The following FAF2 variants were observed in gnomAD, a reference collection of about 807,000 sequenced individuals.
FAF2 encodes Fas associated factor family member 2.
FAF2 carries 9 observed loss-of-function variants against 62.3 expected under a neutral mutation model. The observed-to-expected ratio is 0.14, with a 90% CI of 0.09 to 0.25. The LOEUF (loss-of-function observed/expected upper bound fraction) is 0.25, where lower values mean the gene tolerates loss of function less well. Among genes scored for constraint, FAF2 ranks in the 10% least tolerant of loss-of-function variants. FAF2 has a pLI of 1.00. For synonymous variants in FAF2, 202 were observed against 198.0 expected (o/e 1.02, Z -0.17); for missense variants, 368 against 556.2 (o/e 0.66, Z 3.40).
intron 1 of FAF2, among the ~76,000 whole-genome samples, chr5:176,468,288 A>G (rs1175081892): frequency 6.6e-6 from 1 of 152,112 alleles, no homozygotes; most frequent in Non-Finnish European, 1.5e-5. Context: ...TCTTGGGAGT[A>G]TAGAAGTAAA....
At chr5:176,479,144 T>C (rs768509459) in intron 1 of FAF2, 44 bp from the exon 2 acceptor site, 1 of 1,491,512 alleles carries the variant, frequency 6.7e-7, no homozygotes, top group Non-Finnish European at 9.4e-7. Context: ...ACACGTATAC[T>C]GTTGGTTTTT....
intron 10 of FAF2, among the ~76,000 whole-genome samples, chr5:176,504,086 G>A (rs192850222): frequency 1.1e-4 from 17 of 151,126 alleles, no homozygotes; most frequent in Middle Eastern, 3.5e-3. Context: ...CAGCCTGGGC[G>A]ACAGAGTGAG....
intron 4 of FAF2, among the ~76,000 whole-genome samples, chr5:176,489,475 T>C (rs1758934005): frequency 6.6e-6 from 1 of 152,184 alleles, no homozygotes. Flanking sequence ...CAGTTTGCCC[T>C]TGATTCCTCC....
intron 8 of FAF2, 55 bp downstream of exon 8, chr5:176,496,718 C>T: frequency 7.2e-7 from 1 of 1,386,556 alleles, no homozygotes; most frequent in African/African-American, 1.5e-5. Context: ...ATTTGGAGGG[C>T]TGACCTCTGG....
chr5:176,464,286 G>C (rs977545193), intron 1 of FAF2, among the ~76,000 whole-genome samples: 5 of 151,896 alleles, frequency 3.3e-5, no homozygotes, highest in African/African-American at 1.2e-4. Flanking sequence ...AATATTGTGG[G>C]GGGTTTTTTT....
intron 3 of FAF2, 54 bp downstream of exon 3, chr5:176,486,543 C>A: frequency 1.3e-6 from 2 of 1,572,598 alleles, no homozygotes; most frequent in African/African-American, 1.3e-5. Context: ...AGTATATCCA[C>A]TTGGTTATAT....
In FAF2 at chr5:176,509,126, T is replaced by C. The variant is rs1396063790; in HGVS notation, c.*2176T>C. ...GTTAGGGCGGCCTTCCCATTTACTT[T>C]AGGTTTCAAGAGGATTCACCGGAAG... On this transcript the variant is annotated 3_prime_UTR_variant, in exon 11 of 11. Transcript: ENST00000261942. 1 of 152,208 alleles carries C rather than the reference T, an allele frequency of 6.6e-6. No individual in the cohort carries two copies. The highest frequency in any genetic ancestry group is 1.5e-5 in the Non-Finnish European group (1 of 68,048). The allele number at this position is 152,208 out of a possible 1,614,324, so 9.4% of individuals were successfully genotyped here.
rs560635532 is a variant in FAF2 at position 176,467,747 on chromosome 5, A to G, written c.64-11441A>G. 1.6e-4 allele frequency among the ~76,000 whole-genome samples: 24 copies of G among 152,386 alleles called. No individual in the cohort carries two copies. In the South Asian group the frequency reaches 2.5e-3, roughly 16 times the overall value. ...TCTTTTCAAAGATTCAGTATTCTCA[A>G]TTGATAATGGGCAAGATAGCAATAT... On this transcript the variant is annotated intron_variant, in intron 1 of 10. Coordinates refer to ENST00000261942, the MANE Select transcript of FAF2 (RefSeq NM_014613.3).
intron 1 of FAF2, among the ~76,000 whole-genome samples, chr5:176,450,491 T>G (rs1758143371): frequency 1.3e-5 from 2 of 152,120 alleles, no homozygotes; most frequent in African/African-American, 4.8e-5. Flanking sequence ...AGCATGAATA[T>G]AAATCTATGA....
intron 1 of FAF2, among the ~76,000 whole-genome samples, chr5:176,449,603 A>T (rs1758130468): frequency 6.6e-6 from 1 of 151,968 alleles, no homozygotes; most frequent in African/African-American, 2.4e-5. Flanking sequence ...CCTCCTGAGG[A>T]TGTTCGGGAG....
At chr5:176,498,036 G>A (rs944471151) in intron 8 of FAF2, among the ~76,000 whole-genome samples, 3 of 152,170 alleles carry the variant, frequency 2.0e-5, no homozygotes, top group Admixed American at 2.0e-4. Flanking sequence ...TGTAAGCTGA[G>A]GTGGCAGGAT....
intron 1 of FAF2, among the ~76,000 whole-genome samples, chr5:176,463,031 CATACTT>C (rs940643045): frequency 6.6e-6 from 1 of 152,082 alleles, no homozygotes; most frequent in Non-Finnish European, 1.5e-5. Flanking sequence ...ATATAGCCAA[CATACTT>C]ATTGTTTGTG....
chr5:176,496,714 AG>A (rs775032268), intron 8 of FAF2, 51 bp downstream of exon 8: 1 of 1,399,312 alleles, frequency 7.1e-7, no homozygotes, highest in African/African-American at 1.5e-5. Flanking sequence ...GTAAATTTGG[AG>A]GGCTGACCTC....
Position 176,506,782 on chromosome 5 carries a change from C to T in FAF2, c.1170C>T (p.Phe390=). ...GACCTCTGCAGGTAATCCACGACTT[C>T]TTATTCTCCTTGAAGGAAAGCCCAG... ...FSQSLTVIHD[F]LFSLKESPEK... The change falls in exon 11 of 11, where the codon TTC becomes TTT. Residue 390 remains phenylalanine, a synonymous_variant. Transcript: ENST00000261942. 1.2e-6 allele frequency: 2 copies of T among 1,613,592 alleles called. No individual in the cohort carries two copies. The highest frequency in any genetic ancestry group is 1.7e-6 in the Non-Finnish European group (2 of 1,179,732).
chr5:176,474,973 T>G (rs1303452762), intron 1 of FAF2, among the ~76,000 whole-genome samples: 1 of 152,174 alleles, frequency 6.6e-6, no homozygotes, highest in Non-Finnish European at 1.5e-5. Context: ...GTTTTAGTAC[T>G]GATCAGTAGT....
At chr5:176,484,673 A>G (rs1758842154) in intron 2 of FAF2, among the ~76,000 whole-genome samples, 3 of 152,074 alleles carry the variant, frequency 2.0e-5, no homozygotes, top group Admixed American at 2.0e-4. Flanking sequence ...CAGGTAGATC[A>G]TGAGGTGAGG....
At chr5:176,506,578 G>A (rs1755687729) in intron 10 of FAF2, among the ~76,000 whole-genome samples, 190 bp from the exon 11 acceptor site, 1 of 152,114 alleles carries the variant, frequency 6.6e-6, no homozygotes, top group Non-Finnish European at 1.5e-5. Flanking sequence ...CTTTTAAAAG[G>A]GCTGCCCCAT....
chr5:176,482,015 A>G (rs1758789881), intron 2 of FAF2, among the ~76,000 whole-genome samples: 1 of 152,012 alleles, frequency 6.6e-6, no homozygotes, highest in African/African-American at 2.4e-5. Flanking sequence ...ACCCTCACCA[A>G]CACTTGTTAA....
intron 1 of FAF2, among the ~76,000 whole-genome samples, chr5:176,456,393 A>G (rs567918201): frequency 2.0e-5 from 3 of 152,282 alleles, no homozygotes; most frequent in Admixed American, 2.0e-4. Flanking sequence ...TTTAAAACTT[A>G]AAATGAACAA....
Sources: gnomAD v4.1 joint callset for allele counts (sites outside exome capture counted in the v4.1 genomes callset) on GRCh38, gnomAD v4.1.1 for gene constraint, MANE v1.5 for transcripts, NCBI Gene and HGNC (gene_info 2026-07-23, HGNC 2026-07-21) for gene names.